METTL3: variants seen among roughly 807,000 people sequenced by gnomAD.
METTL3 encodes N(6)-adenosine-methyltransferase catalytic subunit METTL3.
In METTL3, 42 loss-of-function variants were observed where a neutral mutation model predicts 64.3. That is an observed-to-expected ratio of 0.65 (90% confidence interval 0.51 to 0.84). The LOEUF (loss-of-function observed/expected upper bound fraction) is 0.84. Among genes scored for constraint, METTL3 ranks in the 40% least tolerant of loss-of-function variants. The probability of loss-of-function intolerance (pLI) is 0.00; values close to 1 mark genes in which losing one functional copy is unlikely to be tolerated. For missense variants in METTL3, 435 were observed against 722.3 expected, an observed-to-expected ratio of 0.60 and a Z score of 4.56; for synonymous variants, 256 against 263.6, an observed-to-expected ratio of 0.97 and a Z score of 0.28.
intron 4 of METTL3, 28 bp downstream of exon 4, chr14:21,501,700 C>T (rs1891571683): frequency 1.2e-6 from 2 of 1,614,004 alleles, no homozygotes; most frequent in African/African-American, 1.3e-5. Context: ...CTGACAAACC[C>T]ATCCCACCTC....
chr14:21,499,218 G>T (rs1205708025), intron 9 of METTL3, 81 bp from the exon 10 acceptor site: 9 of 1,586,046 alleles, frequency 5.7e-6, no homozygotes, highest in South Asian at 1.1e-5. Context: ...TGATCTAAAT[G>T]AGAAAAATCT....
chr14:21,505,367 C>A (rs1233574618), intron 1 of METTL3, among the ~76,000 whole-genome samples: 1 of 152,190 alleles, frequency 6.6e-6, no homozygotes, highest in African/African-American at 2.4e-5. Context: ...TCAGTCCTTA[C>A]AAGTTGGTAT....
intron 6 of METTL3, 134 bp downstream of exon 6, chr14:21,500,361 C>CAAAA (rs3838362): frequency 4.6e-6 from 4 of 872,500 alleles, no homozygotes; most frequent in African/African-American, 1.7e-5. Flanking sequence ...GAGACTCTCT[C>CAAAA]AAAAAAAAAG....
At chr14:21,499,920 C>T in intron 6 of METTL3, 118 bp from the exon 7 acceptor site, 1 of 863,712 alleles carries the variant, frequency 1.2e-6, no homozygotes, top group Non-Finnish European at 1.9e-6. Flanking sequence ...TGAACATTTA[C>T]ATGCACACCA....
At chr14:21,508,764 C>T (rs1891758721) in intron 1 of METTL3, among the ~76,000 whole-genome samples, 1 of 152,136 alleles carries the variant, frequency 6.6e-6, no homozygotes, top group African/African-American at 2.4e-5. Context: ...AGTGGTGGCA[C>T]ATGCCTGTAA....
Position 21,501,871 on chromosome 14 carries a change from A to T in METTL3, c.756T>A (p.Thr252=). 2.5e-6 allele frequency: 4 copies of T among 1,614,212 alleles called. No individual in the cohort carries two copies. Among genetic ancestry groups the T allele is most frequent in the Non-Finnish European group, 2.5e-6 (3 of 1,180,044 alleles). Residue 252 remains threonine (T), a synonymous_variant, in exon 4 of 11, where the codon ACT becomes ACA. Coordinates refer to ENST00000298717, the MANE Select transcript of METTL3 (RefSeq NM_019852.5). ...VSQEILELLN[T]TTAKEQSIVE... is the part of the protein sequence containing the mutation. ...CAATGGATTGTTCCTTGGCTGTTGTAGTATTTAATAGCTCTAGGATCTCCT... is the reference window on the plus strand; with the variant it reads ...CAATGGATTGTTCCTTGGCTGTTGTTGTATTTAATAGCTCTAGGATCTCCT...
Position 21,503,650 on chromosome 14 carries a change from T to C in METTL3, c.318+14A>G. The C allele has an allele frequency of 6.2e-7, 1 of 1,614,112 alleles. No homozygotes were observed. The highest frequency in any genetic ancestry group is 8.5e-7 in the Non-Finnish European group (1 of 1,179,928). On this transcript the variant is annotated intron_variant, in intron 2 of 10. Transcript: ENST00000298717. ...GAAAATAAGTGGTAAATCCTAACTC[T>C]GTCAGGTCATTACCGTGGAGATGGC...
chr14:21,505,529 C>G (rs1287018607), intron 1 of METTL3, among the ~76,000 whole-genome samples: 2 of 151,782 alleles, frequency 1.3e-5, no homozygotes, highest in African/African-American at 2.4e-5. Context: ...CTGAAAATAC[C>G]TTTTTTAAGG....
intron 4 of METTL3, 175 bp downstream of exon 4, chr14:21,501,553 C>T: frequency 1.3e-6 from 1 of 777,300 alleles, no homozygotes; most frequent in Non-Finnish European, 2.0e-6. Context: ...GGAGTACAGC[C>T]TGTATTCTTC....
rs751146441 is a variant in METTL3 at position 21,498,211 on chromosome 14, C to G, written c.*47G>C. 9.1e-7 allele frequency: 1 copy of G among 1,093,670 alleles called. No individual in the cohort carries two copies. Among genetic ancestry groups the G allele is most frequent in the South Asian group, 1.3e-5 (1 of 79,438 alleles). The allele number at this position is 1,093,670 out of a possible 1,614,324, so 67.7% of individuals were successfully genotyped here. ...TACAAATATCACTCTTCAGGTTTAGCTTACAGAGCCATGGCTATGGATTCT... is the reference window on the plus strand; with the variant it reads ...TACAAATATCACTCTTCAGGTTTAGGTTACAGAGCCATGGCTATGGATTCT... On this transcript the variant is annotated 3_prime_UTR_variant, in exon 11 of 11. Transcript: ENST00000298717.
chr14:21,510,461 G>A (rs1204506858), intron 1 of METTL3: 1 of 152,210 alleles, frequency 6.6e-6, no homozygotes, highest in Non-Finnish European at 1.5e-5. Context: ...TTGTCCTGAG[G>A]GTAGGGAGTG....
At chr14:21,501,187 A>C in intron 4 of METTL3, 58 bp from the exon 5 acceptor site, 1 of 1,296,692 alleles carries the variant, frequency 7.7e-7, no homozygotes, top group Non-Finnish European at 1.1e-6. Flanking sequence ...CCAACAGTTC[A>C]AATTCCAAAT....
At chr14:21,498,700 T>C (rs1281122423) in intron 10 of METTL3, 1 of 464,578 alleles carries the variant, frequency 2.2e-6, no homozygotes, top group Non-Finnish European at 3.9e-6. Flanking sequence ...GGGTGAAAGA[T>C]GTAATTATTG....
chr14:21,503,403 CCTT>C lies in METTL3; in HGVS notation c.490_492del (p.Lys164del), dbSNP rs1468292347. 1.1e-5 allele frequency: 18 copies of C among 1,614,002 alleles called. No homozygotes were observed. The highest frequency in any genetic ancestry group is 1.4e-5 in the Non-Finnish European group (17 of 1,180,030). On this transcript the variant is annotated inframe_deletion, in exon 3 of 11. Transcript: ENST00000298717. ...ACAGTCCCTGCTACCTCCCCAGGGC[CCTT>C]CTTTTCTGCCACAGCACCCATCATG...
At chr14:21,499,184 T>C in intron 9 of METTL3, 47 bp from the exon 10 acceptor site, 1 of 1,580,224 alleles carries the variant, frequency 6.3e-7, no homozygotes, top group Non-Finnish European at 8.7e-7. Context: ...AAGATTGCAA[T>C]TCTAGCCCTT....
In METTL3 at chr14:21,499,793, C is replaced by T. The variant is rs748923182; in HGVS notation, c.1314G>A (p.Glu438=). 1.2e-6 allele frequency: 2 copies of T among 1,613,274 alleles called. No individual in the cohort carries two copies. The highest frequency in any genetic ancestry group is 1.1e-5 in the South Asian group (1 of 91,026). The change falls in exon 7 of 11, where the codon GAG becomes GAA. Residue 438 remains glutamate, a synonymous_variant. Coordinates refer to ENST00000298717, the MANE Select transcript of METTL3 (RefSeq NM_019852.5). The part of the protein sequence containing the change: ...LFLWVTGRAM[E]LGRECLNLWG... ...AGAGGTTTAGACATTCTCTCCCCAA[C>T]TCCATGGCCCTAGAAAGAAATGAGT... is the stretch of plus-strand genomic sequence containing the variant.
chr14:21,502,867 G>T, intron 3 of METTL3: 1 of 268,104 alleles, frequency 3.7e-6, no homozygotes, highest in Non-Finnish European at 7.1e-6. Context: ...AGAATTTGTC[G>T]ACATTGGCAT....
chr14:21,500,647 A>G lies in METTL3; in HGVS notation c.1152T>C (p.Ser384=). 1 of 1,614,112 alleles carries G rather than the reference A, an allele frequency of 6.2e-7. No individual in the cohort carries two copies. The change falls in exon 6 of 11, where the codon AGT becomes AGC. Residue 384 remains serine, a synonymous_variant. Transcript: ENST00000298717. ...ICCDIRYLDV[S]ILGKFAVVMA... is the part of the protein sequence containing the mutation. ...TCACAACTGCAAACTTGCCCAAGAT[A>G]CTGACGTCCAGGTAGCGGATATCAC...
intron 1 of METTL3, among the ~76,000 whole-genome samples, chr14:21,509,034 G>T (rs112454959): frequency 2.6e-5 from 4 of 151,758 alleles, no homozygotes; most frequent in African/African-American, 9.7e-5. Context: ...CCAATATAGC[G>T]GCTTTTTAAA....
Sources: gnomAD v4.1 joint callset for allele counts (sites outside exome capture counted in the v4.1 genomes callset) on GRCh38, gnomAD v4.1.1 for gene constraint, MANE v1.5 for transcripts, NCBI Gene and HGNC (gene_info 2026-07-23, HGNC 2026-07-21) for gene names.